Variants in JAK1 observed in about 807,000 individuals in gnomAD.
JAK1 encodes the protein Janus kinase 1, also known as tyrosine-protein kinase JAK1.
JAK1 carries 16 observed loss-of-function variants against 136.6 expected under a neutral mutation model. That is an observed-to-expected ratio of 0.12 (90% CI 0.08 to 0.18). The LOEUF is 0.18. JAK1 is among the 10% of genes least tolerant of loss of function. The probability of loss-of-function intolerance (pLI) is 1.00; values close to 1 mark genes in which losing one functional copy is unlikely to be tolerated. For synonymous variants in JAK1, 492 were observed against 519.5 expected, an observed-to-expected ratio of 0.95 and a Z score of 0.72; for missense variants, 859 against 1,450.1, an observed-to-expected ratio of 0.59 and a Z score of 6.62.
chr1:64,893,011 T>C (rs941582120), intron 1 of JAK1, among the ~76,000 whole-genome samples: 3 of 151,702 alleles, frequency 2.0e-5, no homozygotes, highest in Non-Finnish European at 2.9e-5. Flanking sequence ...CTGAGAACCA[T>C]GGGAGTCAAA....
intron 1 of JAK1, among the ~76,000 whole-genome samples, chr1:64,910,004 A>G (rs1235804610): frequency 6.6e-6 from 1 of 152,182 alleles, no homozygotes; most frequent in Non-Finnish European, 1.5e-5. Flanking sequence ...AGACCAGAGT[A>G]TATTCTTTAT....
chr1:65,059,219 C>T (rs1214585629), intron 1 of JAK1, among the ~76,000 whole-genome samples: 5 of 151,888 alleles, frequency 3.3e-5, no homozygotes, highest in African/African-American at 7.3e-5. Context: ...ATGTCCAGAA[C>T]CATGTCAAAT....
chr1:64,881,981 C>G lies in JAK1; in HGVS notation c.205+1296G>C, dbSNP rs180765478. Among the ~76,000 whole-genome samples, 11 of 152,360 alleles carry G rather than the reference C, an allele frequency of 7.2e-5. No homozygotes were observed. The East Asian group carries it at 1.9e-3, about 27-fold the overall frequency. ...AAACTTTAGAACCACTGATTTACATCTAGGTGTTCTGATAATTACAAACAC... is the reference window on the plus strand; with the variant it reads ...AAACTTTAGAACCACTGATTTACATGTAGGTGTTCTGATAATTACAAACAC... On this transcript the variant is annotated intron_variant, in intron 3 of 24. Transcript: ENST00000342505.
At chr1:64,875,994 G>T (rs41285404) in intron 4 of JAK1, 5 of 152,346 alleles carry the variant, frequency 3.3e-5, no homozygotes, top group Admixed American at 6.5e-5. Context: ...CCAACAGGAG[G>T]GGTAAATGCT....
intron 9 of JAK1, 46 bp downstream of exon 9, chr1:64,860,059 G>A (rs771411314): frequency 8.8e-5 from 124 of 1,407,070 alleles, no homozygotes; most frequent in Middle Eastern, 2.0e-4. Flanking sequence ...ACTAAAACAC[G>A]GGCTCTCTGC....
Position 64,857,783 on chromosome 1 carries a change from G to A in JAK1, c.1335-4C>T. The A allele has an allele frequency of 2.5e-6, 4 of 1,614,166 alleles. No individual in the cohort carries two copies. In the East Asian group the frequency reaches 6.7e-5, roughly 27 times the overall value. Reference sequence around the variant, plus strand: ...TTTATTGATGGCGTATTCTGTACTAGAGGGAGAAGTAGGCAAAGGGAGAAA... The same window carrying A: ...TTTATTGATGGCGTATTCTGTACTAAAGGGAGAAGTAGGCAAAGGGAGAAA... On this transcript the variant is annotated splice_region_variant and splice_polypyrimidine_tract_variant and intron_variant, in intron 9 of 24. Transcript: ENST00000342505.
intron 1 of JAK1, among the ~76,000 whole-genome samples, chr1:64,957,318 G>A (rs753115119): frequency 2.4e-4 from 36 of 152,048 alleles, no homozygotes; most frequent in Non-Finnish European, 4.7e-4. Context: ...GCATTATAAG[G>A]CCCAAAAGTA....
chr1:64,917,473 A>C (rs1645418692), intron 1 of JAK1, among the ~76,000 whole-genome samples: 1 of 152,206 alleles, frequency 6.6e-6, no homozygotes, highest in East Asian at 1.9e-4. Context: ...CGGTCTCAAC[A>C]CAAAAGCTGT....
chr1:64,990,239 T>C (rs1646642395), intron 2 of JAK1: 1 of 151,904 alleles, frequency 6.6e-6, no homozygotes, highest in Non-Finnish European at 1.5e-5. Context: ...ACCTGGGAGA[T>C]TGCAGTGAGC....
chr1:64,910,604 C>A (rs1228851521), intron 1 of JAK1, among the ~76,000 whole-genome samples: 1 of 152,076 alleles, frequency 6.6e-6, no homozygotes, highest in Non-Finnish European at 1.5e-5. Context: ...GAGGCTAAGG[C>A]GGGCTGATCA....
intron 4 of JAK1, among the ~76,000 whole-genome samples, chr1:64,874,805 C>T (rs1484184401): frequency 6.6e-6 from 1 of 152,202 alleles, no homozygotes; most frequent in African/African-American, 2.4e-5. Context: ...ACAACTGTCA[C>T]TGTGCTATGT....
In JAK1 at chr1:64,844,315, C is replaced by G; in HGVS notation, c.2252-100G>C. 1 of 1,485,472 alleles carries G rather than the reference C, an allele frequency of 6.7e-7. No homozygotes were observed. Among genetic ancestry groups the G allele is most frequent in the South Asian group, 1.2e-5 (1 of 85,216 alleles). The allele number at this position is 1,485,472 out of a possible 1,614,324, so 92.0% of individuals were successfully genotyped here. ...GAACAGTGAGCCAATGAAGGAACTA[C>G]TTCAAGCAGTGTGCCCAAACATGGC... On this transcript the variant is annotated intron_variant, in intron 16 of 24. Coordinates refer to ENST00000342505, the MANE Select transcript of JAK1 (RefSeq NM_002227.4). This position sits in a 1 kb window ranked among gnomAD's most constrained non-coding sequence, Gnocchi z 5.7.
chr1:64,985,985 C>G (rs1354419776), intron 2 of JAK1: 1 of 1,278,182 alleles, frequency 7.8e-7, no homozygotes, highest in Non-Finnish European at 1.1e-6. Flanking sequence ...CCCTTATGAT[C>G]ATCTCAGGAG....
chr1:64,894,075 T>C (rs1216967204), intron 1 of JAK1, among the ~76,000 whole-genome samples: 1 of 152,108 alleles, frequency 6.6e-6, no homozygotes, highest in Non-Finnish European at 1.5e-5. Flanking sequence ...TACCTAAGGG[T>C]AAAATGAGTT....
At chr1:64,999,738 A>C (rs2100744484) in intron 2 of JAK1, among the ~76,000 whole-genome samples, 2 of 147,636 alleles carry the variant, frequency 1.4e-5, no homozygotes, top group South Asian at 4.2e-4. Flanking sequence ...CTCTCTTTAA[A>C]AAAAAAAAAA....
chr1:64,969,424 C>A (rs769425373), upstream of JAK1, among the ~76,000 whole-genome samples: 1 of 151,420 alleles, frequency 6.6e-6, no homozygotes, highest in Non-Finnish European at 1.5e-5. Context: ...ACTCCCCACC[C>A]TCCTCCTTTC....
chr1:64,944,495 A>G (rs768442633), intron 1 of JAK1, among the ~76,000 whole-genome samples: 10 of 152,174 alleles, frequency 6.6e-5, no homozygotes, highest in Non-Finnish European at 1.5e-4. Context: ...TAAGCAAACA[A>G]TAATAACATA....
At chr1:64,904,655 A>G (rs1415103689) in intron 1 of JAK1, among the ~76,000 whole-genome samples, 1 of 152,172 alleles carries the variant, frequency 6.6e-6, no homozygotes, top group Non-Finnish European at 1.5e-5. Flanking sequence ...CAATCTCAGA[A>G]GACTTTTCTT....
chr1:65,031,280 A>G (rs904284993), intron 2 of JAK1, among the ~76,000 whole-genome samples: 5 of 152,168 alleles, frequency 3.3e-5, no homozygotes, highest in African/African-American at 1.2e-4. Context: ...GTACTTTCTC[A>G]TATAAAGTGC....
Sources: gnomAD v4.1 joint callset for allele counts (sites outside exome capture counted in the v4.1 genomes callset) on GRCh38, gnomAD v4.1.1 for gene constraint, Gnocchi (gnomAD v3.1) non-coding constraint, MANE v1.5 for transcripts, NCBI Gene and HGNC (gene_info 2026-07-23, HGNC 2026-07-21) for gene names.